The following UPP2 variants were observed in gnomAD, a reference collection of about 807,000 sequenced individuals.
UPP2 encodes the protein uridine phosphorylase 2.
In UPP2, 23 loss-of-function variants were observed where a neutral mutation model predicts 26.7. The ratio of observed to expected loss-of-function variants is 0.86; its 90% CI spans 0.62 to 1.22. The LOEUF (loss-of-function observed/expected upper bound fraction) is 1.22. UPP2 is among the 50% of genes most tolerant of loss of function. The pLI, the probability that UPP2 is intolerant of heterozygous loss-of-function variation, is 0.00. For synonymous variants in UPP2, 127 were observed against 141.3 expected, an observed-to-expected ratio of 0.90 and a Z score of 0.72; for missense variants, 387 against 396.7, an observed-to-expected ratio of 0.98 and a Z score of 0.21.
chr2:158,102,172 C>A (rs371985685), intron 1 of UPP2, 47 bp downstream of exon 1: 1 of 1,594,494 alleles, frequency 6.3e-7, no homozygotes, highest in African/African-American at 1.4e-5. Flanking sequence ...GATGGTTGCT[C>A]CTTGGATTTT....
At chr2:158,006,337 T>C (rs552391734) in intron 2 of UPP2, among the ~76,000 whole-genome samples, 1 of 151,936 alleles carries the variant, frequency 6.6e-6, no homozygotes, top group South Asian at 2.1e-4. Context: ...GGCGTGGTGG[T>C]GGGCGCCTGT....
At chr2:158,066,627 A>ATT (rs1322767762) in intron 3 of UPP2, among the ~76,000 whole-genome samples, 1 of 72,942 alleles carries the variant, frequency 1.4e-5, no homozygotes. Flanking sequence ...TTAACCATTG[A>ATT]TTCTTTTTTT....
chr2:158,015,574 T>A (rs914370133), intron 2 of UPP2, among the ~76,000 whole-genome samples: 2 of 152,228 alleles, frequency 1.3e-5, no homozygotes, highest in Non-Finnish European at 2.9e-5. Flanking sequence ...TTTGAGACTC[T>A]AGTTATATAC....
intron 3 of UPP2, among the ~76,000 whole-genome samples, chr2:158,067,991 GCTA>G (rs1353887118): frequency 6.6e-6 from 1 of 151,986 alleles, no homozygotes; most frequent in Non-Finnish European, 1.5e-5. Context: ...ATAAGGCATT[GCTA>G]CTGTTATTAT....
At chr2:158,096,429 T>C (rs184811436) in intron 3 of UPP2, among the ~76,000 whole-genome samples, 2,001 of 152,142 alleles carry the variant, frequency 0.013, 24 homozygotes, top group Middle Eastern at 0.044. Context: ...TGAAACCCCG[T>C]CTCTACTAAA....
At chr2:158,002,915 C>A (rs1454331507) in intron 2 of UPP2, among the ~76,000 whole-genome samples, 1 of 150,482 alleles carries the variant, frequency 6.6e-6, no homozygotes, top group Non-Finnish European at 1.5e-5. Flanking sequence ...TTTTTTTTTC[C>A]TTTTTCTTTT....
chr2:158,122,590 T>G (rs1490667770), intron 5 of UPP2, among the ~76,000 whole-genome samples: 1 of 152,138 alleles, frequency 6.6e-6, no homozygotes, highest in Non-Finnish European at 1.5e-5. Context: ...AAAGTCAATG[T>G]TTCCTTTGGC....
At chr2:158,097,876 C>T (rs972265964), upstream of UPP2, among the ~76,000 whole-genome samples, 1 of 152,140 alleles carries the variant, frequency 6.6e-6, no homozygotes, top group African/African-American at 2.4e-5. Flanking sequence ...ACTTTGAAAC[C>T]TAATACTAAT....
At chr2:158,073,293 G>C (rs143107826) in intron 3 of UPP2, among the ~76,000 whole-genome samples, 1 of 151,604 alleles carries the variant, frequency 6.6e-6, no homozygotes, top group Non-Finnish European at 1.5e-5. Flanking sequence ...AGTCAAAAGA[G>C]ACAAAAGAAA....
chr2:158,069,884 T>G (rs1682510476), intron 3 of UPP2, among the ~76,000 whole-genome samples: 1 of 152,160 alleles, frequency 6.6e-6, no homozygotes, highest in Non-Finnish European at 1.5e-5. Flanking sequence ...AGTAAAGGCC[T>G]TCTTCCAACA....
chr2:158,033,558 A>G (rs1363952539), intron 3 of UPP2, among the ~76,000 whole-genome samples: 1 of 152,174 alleles, frequency 6.6e-6, no homozygotes. Context: ...TCCTGGGAAG[A>G]AGGAGAAGAG....
At chr2:158,130,344 G>C (rs777092412) in intron 6 of UPP2, among the ~76,000 whole-genome samples, 1 of 151,796 alleles carries the variant, frequency 6.6e-6, no homozygotes, top group African/African-American at 2.4e-5. Context: ...CCAGCTACTC[G>C]GGAGGCTGAG....
Position 157,996,658 on chromosome 2 carries a change from G to A in UPP2, c.61+1399G>A, listed in dbSNP as rs115897593. 3.2e-3 allele frequency among the ~76,000 whole-genome samples: 483 copies of A among 152,234 alleles called. 1 individual carries two copies. Among genetic ancestry groups the A allele is most frequent in the African/African-American group, 0.01 (432 of 41,534 alleles). On this transcript the variant is annotated intron_variant, in intron 2 of 9. Coordinates refer to the UPP2 transcript ENST00000605860. ...GAAACAGCCTGAAAACCAACCTTTT[G>A]AGTAAGCTCAGACTCAGATATTACT...
chr2:158,019,873 G>A (rs540956476), intron 3 of UPP2, among the ~76,000 whole-genome samples: 21 of 152,130 alleles, frequency 1.4e-4, no homozygotes, highest in African/African-American at 3.4e-4. Flanking sequence ...AGGTGGTTAC[G>A]TAAATTTACA....
At chr2:158,110,386 T>G (rs1299226060) in intron 2 of UPP2, among the ~76,000 whole-genome samples, 1 of 152,150 alleles carries the variant, frequency 6.6e-6, no homozygotes, top group Non-Finnish European at 1.5e-5. Flanking sequence ...CTTAATCCAG[T>G]CTGTCATTGA....
At chr2:158,058,452 C>T (rs1383000894) in intron 3 of UPP2, among the ~76,000 whole-genome samples, 19 of 31,954 alleles carry the variant, frequency 5.9e-4, no homozygotes, top group African/African-American at 1.8e-3. Context: ...TGTGTGTGTA[C>T]GCGCATGCAC....
intron 3 of UPP2, among the ~76,000 whole-genome samples, chr2:158,071,059 T>C (rs1398106513): frequency 1.3e-5 from 2 of 152,178 alleles, no homozygotes; most frequent in East Asian, 3.9e-4. Flanking sequence ...CACCAAGGGC[T>C]AAAGTGCTCT....
chr2:157,997,811 G>C (rs559757285), intron 2 of UPP2, among the ~76,000 whole-genome samples: 1 of 152,252 alleles, frequency 6.6e-6, no homozygotes, highest in Admixed American at 6.5e-5. Flanking sequence ...TTTGAAAGGG[G>C]ATGTTCATTT....
chr2:158,127,899 G>A (rs1360860293), intron 6 of UPP2: 17 of 636,046 alleles, frequency 2.7e-5, no homozygotes, highest in Non-Finnish European at 3.1e-5. Flanking sequence ...GAAGCACTGT[G>A]CAATGCTCAA....
Sources: gnomAD v4.1 joint callset for allele counts (sites outside exome capture counted in the v4.1 genomes callset) on GRCh38, gnomAD v4.1.1 for gene constraint, MANE v1.5 for transcripts, NCBI Gene and HGNC (gene_info 2026-07-23, HGNC 2026-07-21) for gene names.